The following SNAP91 variants were observed in gnomAD, a reference collection of about 807,000 sequenced individuals.
SNAP91 encodes the protein synaptosome associated protein 91.
SNAP91 carries 27 observed loss-of-function variants against 100.3 expected under a neutral mutation model. The ratio of observed to expected loss-of-function variants is 0.27; its 90% CI spans 0.20 to 0.37. SNAP91 has a LOEUF of 0.37. Ranked by LOEUF, SNAP91 falls within the 10% of genes least tolerant of loss-of-function variation. SNAP91 has a pLI of 1.00. For missense variants in SNAP91, 986 were observed against 1,123.7 expected (o/e 0.88, Z 1.75); for synonymous variants, 404 against 398.6 (o/e 1.01, Z -0.16).
At chr6:83,707,530 C>T (rs2099396761) in intron 2 of SNAP91, among the ~76,000 whole-genome samples, 1 of 122,158 alleles carries the variant, frequency 8.2e-6, no homozygotes, top group Non-Finnish European at 1.6e-5. Context: ...TGTGTATATA[C>T]ATATGCGTGT....
rs1420773770 is a variant in SNAP91, at chr6:83,575,107, C to A, written c.2345G>T (p.Trp782Leu). The A allele has an allele frequency of 6.2e-7, 1 of 1,605,390 alleles. No homozygotes were observed. The highest frequency in any genetic ancestry group is 1.3e-5 in the African/African-American group (1 of 74,924). Residue 782 changes from tryptophan (W) to leucine (L), a missense_variant, in exon 26 of 30, where the codon TGG (tryptophan) becomes TTG (leucine). Physicochemically the swap from Trp to Leu is moderately conservative, Grantham distance 61. Transcript: ENST00000369694. The stretch of plus-strand genomic sequence containing the variant: ...AGTCAACTTTTTCTCTCCAGCATTC[C>A]ACTGAAGATCTCCCCTAAAATTAAC... ...GTTTKKGDLQ[W>L]NAGEKKLTGG...
chr6:83,645,714 G>T (rs1234668658), intron 7 of SNAP91, among the ~76,000 whole-genome samples: 1 of 152,054 alleles, frequency 6.6e-6, no homozygotes, highest in Non-Finnish European at 1.5e-5. Flanking sequence ...AGCCAGGAGT[G>T]GTGGTGCGTG....
chr6:83,581,603 A>T (rs1434507897), intron 23 of SNAP91, among the ~76,000 whole-genome samples: 4 of 152,242 alleles, frequency 2.6e-5, no homozygotes, highest in African/African-American at 9.6e-5. Context: ...GCATTCAACT[A>T]GGCACTGGCA....
rs139764159 is a variant in SNAP91, at chr6:83,620,787, C to T, written c.807+2514G>A. ...AGTACAGTGGCGCGATCTCGGCTCACTGTAAGCTCCACCTCCCGGGTTCAC... is the reference window on the plus strand; with the variant it reads ...AGTACAGTGGCGCGATCTCGGCTCATTGTAAGCTCCACCTCCCGGGTTCAC... On this transcript the variant is annotated intron_variant, in intron 9 of 29. Transcript: ENST00000369694. Among the ~76,000 whole-genome samples, 1,212 of 152,048 alleles carry T rather than the reference C, an allele frequency of 8.0e-3. 13 individuals carry two copies. Among genetic ancestry groups the T allele is most frequent in the African/African-American group, 0.027 (1,124 of 41,452 alleles).
At position 83,593,606 on chromosome 6, in the gene SNAP91, G is replaced by A. The variant is rs865961512; in HGVS notation, c.1568C>T (p.Pro523Leu). 6.3e-7 allele frequency: 1 copy of A among 1,592,890 alleles called. No homozygotes were observed. The highest frequency in any genetic ancestry group is 1.1e-5 in the South Asian group (1 of 88,634). ...STAPPVPATA[P>L]SPAPAVAAAA... ...AGCTGCAACGGCAGGAGCAGGAGAA[G>A]GAGCAGTTGCGGGAACTGGAGGGGC... The change falls in exon 18 of 30, where the codon CCT (proline) becomes CTT (leucine). Residue 523 changes from proline (P) to leucine (L), a missense_variant. Around this residue, in one of 4 missense-constraint regions of SNAP91, gnomAD observed 575 missense variants for 579.9 expected, o/e 0.99. Transcript: ENST00000369694.
In SNAP91 at chr6:83,663,000, T is replaced by C. The variant is rs541763887; in HGVS notation, c.274-578A>G. The stretch of plus-strand genomic sequence containing the variant: ...GTAATTCTCACAATAGTTCAAACTT[T>C]TTCATTATTATTATATCTGTTTTGG... On this transcript the variant is annotated intron_variant, in intron 3 of 29. Transcript: ENST00000369694. Among the ~76,000 whole-genome samples the C allele has an allele frequency of 2.0e-5, 3 of 152,268 alleles. No homozygotes were observed. In the East Asian group the frequency reaches 5.8e-4, roughly 29 times the overall value.
chr6:83,589,929 TG>T (rs1377831891), intron 22 of SNAP91, among the ~76,000 whole-genome samples: 3 of 152,210 alleles, frequency 2.0e-5, no homozygotes, highest in African/African-American at 4.8e-5. Context: ...TGTAATTTTA[TG>T]GGCTATATCC....
At chr6:83,623,390 T>A (rs1170251276) in intron 8 of SNAP91, 48 bp from the exon 9 acceptor site, 4 of 1,405,608 alleles carry the variant, frequency 2.8e-6, no homozygotes, top group Non-Finnish European at 3.9e-6. Context: ...AAAATTAATT[T>A]TTTTCATTTA....
intron 2 of SNAP91, chr6:83,690,434 G>A: frequency 7.8e-7 from 1 of 1,287,250 alleles, no homozygotes; most frequent in Non-Finnish European, 1.0e-6. Context: ...AAGGTTTGTA[G>A]GTCTACGAAA....
intron 7 of SNAP91, among the ~76,000 whole-genome samples, chr6:83,653,500 T>C (rs1319643123): frequency 6.6e-6 from 1 of 152,214 alleles, no homozygotes; most frequent in African/African-American, 2.4e-5. Flanking sequence ...TCTGCTTACA[T>C]TGCCTATCTG....
At chr6:83,626,288 AATGTG>A (rs1354062387) in intron 8 of SNAP91, among the ~76,000 whole-genome samples, 1 of 152,066 alleles carries the variant, frequency 6.6e-6, no homozygotes, top group Non-Finnish European at 1.5e-5. Flanking sequence ...GAAGTCTGGT[AATGTG>A]ATGCTTCTGG....
chr6:83,676,241 AACAG>A (rs1243404615), intron 2 of SNAP91, among the ~76,000 whole-genome samples: 1 of 152,196 alleles, frequency 6.6e-6, no homozygotes, highest in Non-Finnish European at 1.5e-5. Context: ...CAGTGAACAA[AACAG>A]ACAGTGTCTG....
chr6:83,554,866 A>T (rs1775390782), intron 29 of SNAP91, among the ~76,000 whole-genome samples: 1 of 152,100 alleles, frequency 6.6e-6, no homozygotes, highest in South Asian at 2.1e-4. Flanking sequence ...GCTTAGCCGC[A>T]TAGATAACTC....
chr6:83,563,329 A>G (rs1191274333), intron 26 of SNAP91, among the ~76,000 whole-genome samples: 1 of 152,212 alleles, frequency 6.6e-6, no homozygotes, highest in Non-Finnish European at 1.5e-5. Flanking sequence ...GAAGTCCAAC[A>G]GCTTTTCATG....
intron 23 of SNAP91, 97 bp downstream of exon 23, chr6:83,582,125 G>A: frequency 7.7e-7 from 1 of 1,303,474 alleles, no homozygotes; most frequent in Non-Finnish European, 1.0e-6. Flanking sequence ...CTCAATATTT[G>A]CTTGTTGTAA....
intron 2 of SNAP91, among the ~76,000 whole-genome samples, chr6:83,671,050 A>G (rs995220028): frequency 1.3e-5 from 2 of 151,980 alleles, no homozygotes; most frequent in South Asian, 2.1e-4. Context: ...GCAACAAAAA[A>G]GTCTTCTGGG....
Position 83,631,029 on chromosome 6 carries a change from A to C in SNAP91, c.766-7687T>G, listed in dbSNP as rs114218310. On this transcript the variant is annotated intron_variant, in intron 8 of 29. Coordinates refer to ENST00000369694, the MANE Select transcript of SNAP91 (RefSeq NM_001242792.2). ...CCTTTACTGTGTCCCAGAGGTTTTG[A>C]TAGGTTGTGTCACTACTGTCATTCA... Among the ~76,000 whole-genome samples, 1,095 of 152,042 alleles carry C rather than the reference A, an allele frequency of 7.2e-3. 6 individuals carry two copies. Among genetic ancestry groups the C allele is most frequent in the African/African-American group, 0.025 (1,019 of 41,452 alleles).
chr6:83,707,687 G>T, intron 2 of SNAP91, 111 bp downstream of exon 2: 3 of 1,409,228 alleles, frequency 2.1e-6, no homozygotes, highest in Non-Finnish European at 2.9e-6. Context: ...GGGCAACCTG[G>T]CTGGGAGTAT....
intron 8 of SNAP91, among the ~76,000 whole-genome samples, chr6:83,626,767 C>T (rs1187083106): frequency 2.6e-5 from 4 of 152,014 alleles, no homozygotes; most frequent in Non-Finnish European, 4.4e-5. Context: ...TTGATGGAAT[C>T]TTGAGGATTT....
Sources: gnomAD v4.1 joint callset for allele counts (sites outside exome capture counted in the v4.1 genomes callset) on GRCh38, gnomAD v4.1.1 for gene constraint, gnomAD v4.1.1 regional missense constraint, MANE v1.5 for transcripts, NCBI Gene and HGNC (gene_info 2026-07-23, HGNC 2026-07-21) for gene names.